CYP4A22: variants seen among roughly 807,000 people sequenced by gnomAD.
CYP4A22 encodes the protein cytochrome P450 family 4 subfamily A member 22, also known as cytochrome P450 4A22.
A neutral mutation model predicts 56.2 loss-of-function variants in CYP4A22; 46 were observed. The ratio of observed to expected loss-of-function variants is 0.82; its 90% confidence interval spans 0.65 to 1.05. The LOEUF (loss-of-function observed/expected upper bound fraction) is 1.05. Among genes scored for constraint, CYP4A22 ranks in the 50% least tolerant of loss-of-function variants. The probability of loss-of-function intolerance (pLI) is 0.00; values close to 1 mark genes in which losing one functional copy is unlikely to be tolerated. For synonymous variants in CYP4A22, 193 were observed against 251.1 expected, an observed-to-expected ratio of 0.77 and a Z score of 2.19; for missense variants, 541 against 645.9, an observed-to-expected ratio of 0.84 and a Z score of 1.76.
In CYP4A22 at chr1:47,137,575, G is replaced by A; in HGVS notation, c.90G>A (p.Leu30=). The change falls in exon 1 of 12, where the codon CTG becomes CTA. Residue 30 remains leucine (L), a synonymous_variant. Coordinates refer to ENST00000371891, the MANE Select transcript of CYP4A22 (RefSeq NM_001010969.4). ...CCTCCCTGCTCATTCTGCTTCTGCT[G>A]CTGATCAAGGCAGCTCAGCTCTACC... ...QVTSLLILLL[L]LIKAAQLYLH... is the part of the protein sequence containing the mutation. 1 of 1,614,210 alleles carries A rather than the reference G, an allele frequency of 6.2e-7. No individual in the cohort carries two copies. The highest frequency in any genetic ancestry group is 8.5e-7 in the Non-Finnish European group (1 of 1,180,018).
chr1:47,141,001 G>C (rs1188438625), intron 2 of CYP4A22, 80 bp downstream of exon 2: 2 of 1,569,664 alleles, frequency 1.3e-6, no homozygotes, highest in African/African-American at 1.4e-5. Flanking sequence ...TTCCAGAAGA[G>C]AGTGGCTGTT....
chr1:47,140,639 C>A, intron 1 of CYP4A22, 141 bp from the exon 2 acceptor site: 1 of 1,303,246 alleles, frequency 7.7e-7, no homozygotes, highest in Non-Finnish European at 1.0e-6. Context: ...TACAAAGAAT[C>A]TGGATCACAG....
intron 11 of CYP4A22, among the ~76,000 whole-genome samples, chr1:47,148,032 C>T (rs1032651459): frequency 6.6e-6 from 1 of 152,052 alleles, no homozygotes; most frequent in East Asian, 1.9e-4. Context: ...GAGCCCGGAC[C>T]CTGGGGTGGG....
At chr1:47,142,378 G>A (rs1645021848) in intron 4 of CYP4A22, 143 bp downstream of exon 4, 5 of 1,320,040 alleles carry the variant, frequency 3.8e-6, no homozygotes, top group Admixed American at 6.5e-5. Context: ...TGAGAGTAGA[G>A]GGTTCCCCAG....
At position 47,145,804 on chromosome 1, in the gene CYP4A22, G is replaced by T. The variant is rs11802451; in HGVS notation, c.1223-62G>T. On this transcript the variant is annotated intron_variant, in intron 9 of 11. Coordinates refer to ENST00000371891, the MANE Select transcript of CYP4A22 (RefSeq NM_001010969.4). Reference sequence around the variant, plus strand: ...GGGCCTTCTTTTGCCCCTGCAGGCTGAAGTACCAGGCCACCCCATGCAAAT... The same window carrying T: ...GGGCCTTCTTTTGCCCCTGCAGGCTTAAGTACCAGGCCACCCCATGCAAAT... The T allele has an allele frequency of 7.6e-4, 1,228 of 1,606,170 alleles. 12 individuals are homozygous for T. In the African/African-American group the frequency reaches 0.014, roughly 19 times the overall value.
chr1:47,145,381 A>AGTG (rs1557649495), intron 9 of CYP4A22, among the ~76,000 whole-genome samples: 3 of 152,184 alleles, frequency 2.0e-5, no homozygotes, highest in African/African-American at 4.8e-5. Context: ...GAGAGCAGCC[A>AGTG]ATGACCAGAT....
intron 11 of CYP4A22, chr1:47,146,658 C>G (rs1645079582): frequency 3.3e-5 from 33 of 999,524 alleles, no homozygotes; most frequent in Non-Finnish European, 3.9e-5. Flanking sequence ...ACCTGCAAGT[C>G]CTACCTTTCA....
At position 47,149,165 on chromosome 1, in the gene CYP4A22, A is replaced by G. The variant is rs539943441; in HGVS notation, c.*368A>G. 1.9e-3 allele frequency: 326 copies of G among 174,492 alleles called. No individual in the cohort carries two copies. Among genetic ancestry groups the G allele is most frequent in the African/African-American group, 7.2e-3 (305 of 42,234 alleles). 10.8% of individuals were successfully genotyped at this position (174,492 alleles called of 1,614,324 possible). On this transcript the variant is annotated 3_prime_UTR_variant, in exon 12 of 12. Transcript: ENST00000371891. ...TGGAAGGCTACCCTGACGCACCATA[A>G]TCTAAGCCCGGGGCATAAAACCCCT...
At chr1:47,138,925 T>C (rs56117539) in intron 1 of CYP4A22, among the ~76,000 whole-genome samples, 20,455 of 152,038 alleles carry the variant, frequency 0.13, 840 homozygotes, top group East Asian at 0.23. Context: ...TAAGTAGAGA[T>C]AGGGGTTGCA....
chr1:47,146,032 G>C, intron 10 of CYP4A22, 45 bp from the exon 11 acceptor site: 2 of 1,614,154 alleles, frequency 1.2e-6, no homozygotes, highest in African/African-American at 2.7e-5. Context: ...GTGGCAAGTA[G>C]GTGCTGGATC....
chr1:47,147,390 T>G (rs760441), intron 11 of CYP4A22: 1 of 984,950 alleles, frequency 1.0e-6, no homozygotes. Context: ...ATTCAAATAT[T>G]AAAGTATTTC....
chr1:47,141,522 C>T, intron 2 of CYP4A22, 49 bp from the exon 3 acceptor site: 1 of 1,595,504 alleles, frequency 6.3e-7, no homozygotes, highest in South Asian at 1.1e-5. Flanking sequence ...TCTGAGACTG[C>T]CTTCTTAGTA....
intron 5 of CYP4A22, 45 bp downstream of exon 5, chr1:47,143,438 T>G: frequency 6.5e-7 from 1 of 1,535,884 alleles, no homozygotes. Flanking sequence ...TCTTATCAAG[T>G]GGAGTGCACA....
At chr1:47,141,013 A>C in intron 2 of CYP4A22, 92 bp downstream of exon 2, 1 of 1,554,034 alleles carries the variant, frequency 6.4e-7, no homozygotes, top group South Asian at 1.2e-5. Flanking sequence ...GTGGCTGTTC[A>C]AACATCAATA....
chr1:47,147,273 C>G (rs1459357635), intron 11 of CYP4A22: 5 of 985,326 alleles, frequency 5.1e-6, no homozygotes, highest in Admixed American at 6.1e-5. Flanking sequence ...GTCGCTGCCA[C>G]TAGAGAACCG....
chr1:47,142,629 T>A (rs1468813470), intron 4 of CYP4A22, among the ~76,000 whole-genome samples: 1 of 152,222 alleles, frequency 6.6e-6, no homozygotes, highest in Non-Finnish European at 1.5e-5. Context: ...ACCCAGGCTC[T>A]GGCCTGGGGC....
intron 1 of CYP4A22, among the ~76,000 whole-genome samples, 180 bp from the exon 2 acceptor site, chr1:47,140,600 G>A (rs1569798165): frequency 1.3e-5 from 2 of 152,232 alleles, no homozygotes; most frequent in East Asian, 1.9e-4. Context: ...GGCTCATAGC[G>A]CTTGGCCTAA....
chr1:47,143,211 C>G lies in CYP4A22; in HGVS notation c.511-58C>G, dbSNP rs181549742. 2.6e-3 allele frequency: 4,109 copies of G among 1,559,636 alleles called. 6 individuals are homozygous for G. Among genetic ancestry groups the G allele is most frequent in the Admixed American group, 3.4e-3 (179 of 52,062 alleles). ...TCTGCAGGTACATGAAAAAGCCAGG[C>G]CTTATTAGCAAAGCACTTCTTGGAG... On this transcript the variant is annotated intron_variant, in intron 4 of 11. Coordinates refer to ENST00000371891, the MANE Select transcript of CYP4A22 (RefSeq NM_001010969.4).
chr1:47,146,172 T>C lies in CYP4A22; in HGVS notation c.1364+19T>C. The C allele has an allele frequency of 6.2e-7, 1 of 1,614,196 alleles. No individual in the cohort carries two copies. Among genetic ancestry groups the C allele is most frequent in the Middle Eastern group, 1.6e-4 (1 of 6,062 alleles). ...GATCAAGGTGAGACGTCCTGTGTGG[T>C]AATTGGAATAGAGAAATGAGGGAAG... On this transcript the variant is annotated intron_variant, in intron 11 of 11. Transcript: ENST00000371891.
Sources: allele counts gnomAD v4.1 joint callset (sites outside exome capture counted in the v4.1 genomes callset), GRCh38; gene constraint gnomAD v4.1.1; transcripts MANE v1.5; gene names NCBI Gene and HGNC (gene_info 2026-07-23, HGNC 2026-07-21).